The following ZNF799 variants were observed in gnomAD, a reference collection of about 807,000 sequenced individuals.
The protein encoded by ZNF799 is zinc finger protein 799.
Under a neutral mutation model 41.0 loss-of-function variants are expected in ZNF799, and 28 were observed. That is an observed-to-expected ratio of 0.68 (90% CI 0.51 to 0.94). The LOEUF (loss-of-function observed/expected upper bound fraction) is 0.94. Among genes scored for constraint, ZNF799 ranks in the 40% least tolerant of loss-of-function variants. The pLI, the probability that ZNF799 is intolerant of heterozygous loss-of-function variation, is 0.00. For synonymous variants in ZNF799, 213 were observed against 252.9 expected (o/e 0.84, Z 1.50); for missense variants, 716 against 764.3 (o/e 0.94, Z 0.74).
At chr19:12,409,318 T>C in the ZNF799 span, among the ~76,000 whole-genome samples, 1 of 152,162 alleles carries the variant, frequency 6.6e-6, no homozygotes, top group Non-Finnish European at 1.5e-5. Flanking sequence ...CTGCCGCTCA[T>C]CTCCTGCTGT....
chr19:12,413,606 C>T, the ZNF799 span, among the ~76,000 whole-genome samples: 4 of 152,226 alleles, frequency 2.6e-5, no homozygotes, highest in African/African-American at 9.7e-5. Flanking sequence ...AATAAACACA[C>T]ACATGCGTAC....
At position 12,401,211 on chromosome 19, in the gene ZNF799, T is replaced by C; in HGVS notation, c.-141A>G. The C allele has an allele frequency of 2.0e-6, 3 of 1,524,920 alleles. No individual in the cohort carries two copies. The highest frequency in any genetic ancestry group is 2.6e-6 in the Non-Finnish European group (3 of 1,136,388). The allele number at this position is 1,524,920 out of a possible 1,614,324, so 94.5% of individuals were successfully genotyped here. On this transcript the variant is annotated 5_prime_UTR_variant, in exon 1 of 4. Coordinates refer to ENST00000430385, the MANE Select transcript of ZNF799 (RefSeq NM_001080821.3). ...GCACCGAGCGCCCAGCGCAGGTGGG[T>C]GGAGAAGACGCCGCGGGCTTTTTCA...
the ZNF799 span, among the ~76,000 whole-genome samples, chr19:12,410,850 C>A: frequency 6.6e-6 from 1 of 152,118 alleles, no homozygotes. Flanking sequence ...CCCTGAAAGA[C>A]AAAATCTACC....
At position 12,390,458 on chromosome 19, in the gene ZNF799, A is replaced by G; in HGVS notation, c.*8T>C. The G allele has an allele frequency of 1.2e-6, 2 of 1,612,294 alleles. No individual in the cohort carries two copies. The highest frequency in any genetic ancestry group is 1.7e-6 in the Non-Finnish European group (2 of 1,179,408). On this transcript the variant is annotated 3_prime_UTR_variant, in exon 4 of 4. Coordinates refer to ENST00000430385, the MANE Select transcript of ZNF799 (RefSeq NM_001080821.3). ...GCTTTCCCACATTCCATACATTTAG[A>G]GAGAATGCTAGTGAGTCTTTTTATG...
chr19:12,391,020 A>G lies in ZNF799; in HGVS notation c.1378T>C (p.Phe460Leu). 1 of 1,614,124 alleles carries G rather than the reference A, an allele frequency of 6.2e-7. No individual in the cohort carries two copies. Among genetic ancestry groups the G allele is most frequent in the Non-Finnish European group, 8.5e-7 (1 of 1,179,992 alleles). The change falls in exon 4 of 4, where the codon TTC (phenylalanine) becomes CTC (leucine). Residue 460 changes from phenylalanine (F) to leucine (L), a missense_variant. Phe to Leu is a conservative substitution (Grantham distance 22, BLOSUM62 0). This residue lies in a region of ZNF799 where 698 missense variants were observed against 713.6 expected (regional missense o/e 0.98). Coordinates refer to ENST00000430385, the MANE Select transcript of ZNF799 (RefSeq NM_001080821.3). ...KCKCGKAFID[F>L]YSFQNHKTTH... ...GTTTTGTGATTTTGAAAGGAATAGA[A>G]ATCAATAAAGGCTTTCCCACATTTG... is the stretch of plus-strand genomic sequence containing the variant.
At chr19:12,407,403 C>T in the ZNF799 span, among the ~76,000 whole-genome samples, 1 of 150,420 alleles carries the variant, frequency 6.6e-6, no homozygotes. Flanking sequence ...ATGGAGGCTG[C>T]AGTTAGCTAT....
chr19:12,400,945 G>A, intron 1 of ZNF799, 123 bp downstream of exon 1: 2 of 1,582,660 alleles, frequency 1.3e-6, no homozygotes, highest in East Asian at 2.2e-5. Context: ...ACCTACGCCA[G>A]GGGAACCCGG....
intron 1 of ZNF799, chr19:12,400,299 C>T (rs1969956554): frequency 1.3e-5 from 2 of 152,274 alleles, no homozygotes; most frequent in African/African-American, 4.8e-5. Context: ...CCTGGTGACT[C>T]GTCGTCACCG....
At chr19:12,406,057 C>T (rs1486987884), upstream of ZNF799, among the ~76,000 whole-genome samples, 1 of 150,316 alleles carries the variant, frequency 6.7e-6, no homozygotes, top group Non-Finnish European at 1.5e-5. Flanking sequence ...CCTGTATACC[C>T]AGCTACTCGG....
chr19:12,397,766 T>G lies in ZNF799; in HGVS notation c.3+3302A>C, dbSNP rs536885387. ...GAATCCAGGTATATCAATAACCACT[T>G]TAAATGTGTATTATATGAATATACC... On this transcript the variant is annotated intron_variant, in intron 1 of 3. Coordinates refer to ENST00000430385, the MANE Select transcript of ZNF799 (RefSeq NM_001080821.3). Among the ~76,000 whole-genome samples, 31 of 151,978 alleles carry G rather than the reference T, an allele frequency of 2.0e-4. 1 individual carries two copies. In the South Asian group the frequency reaches 2.3e-3, roughly 11 times the overall value.
chr19:12,396,761 A>AAG (rs1555761824), intron 1 of ZNF799, among the ~76,000 whole-genome samples: 33 of 152,114 alleles, frequency 2.2e-4, no homozygotes, highest in Middle Eastern at 3.4e-3. Flanking sequence ...CAAAAAAAAA[A>AAG]AATCAGTTAA....
chr19:12,391,605 A>C lies in ZNF799; in HGVS notation c.793T>G (p.Tyr265Asp). ...CTTTCATGTCTTAGACAAGAACTGT[A>C]ATCAGGGAAGGCTTTAGAACACTGT... Reference protein sequence around the residue: ...CKQCSKAFPDYSSCLRHERTH... With the variant: ...CKQCSKAFPDDSSCLRHERTH... The change falls in exon 4 of 4, where the codon TAC (tyrosine) becomes GAC (aspartate). Residue 265 changes from tyrosine (Y) to aspartate (D), a missense_variant. Tyr to Asp is a radical substitution (Grantham distance 160). Transcript: ENST00000430385. 3.1e-6 allele frequency: 5 copies of C among 1,614,012 alleles called. No individual in the cohort carries two copies. Among genetic ancestry groups the C allele is most frequent in the Non-Finnish European group, 3.4e-6 (4 of 1,179,968 alleles).
At chr19:12,396,878 T>C (rs201105540) in intron 1 of ZNF799, among the ~76,000 whole-genome samples, 4 of 151,762 alleles carry the variant, frequency 2.6e-5, no homozygotes, top group African/African-American at 7.3e-5. Flanking sequence ...TTAAAAGAAG[T>C]TCATCAGAGA....
the ZNF799 span, among the ~76,000 whole-genome samples, chr19:12,409,330 C>T: frequency 1.3e-5 from 2 of 152,192 alleles, no homozygotes; most frequent in Admixed American, 1.3e-4. Flanking sequence ...TCCTGCTGTG[C>T]CACCCGGTTC....
chr19:12,409,012 GC>G, the ZNF799 span, among the ~76,000 whole-genome samples: 2 of 151,860 alleles, frequency 1.3e-5, no homozygotes, highest in African/African-American at 4.8e-5. Context: ...TCCAGCCTGG[GC>G]AATAATTGTG....
At chr19:12,401,569 C>CGAGA (rs142456121), upstream of ZNF799, among the ~76,000 whole-genome samples, 115 of 78,452 alleles carry the variant, frequency 1.5e-3, 1 homozygote, top group East Asian at 6.7e-3. Context: ...TTTTTTTTTC[C>CGAGA]GAGAGAGAGA....
chr19:12,414,780 A>G, the ZNF799 span, among the ~76,000 whole-genome samples: 6 of 152,196 alleles, frequency 3.9e-5, no homozygotes, highest in African/African-American at 1.4e-4. Flanking sequence ...CACAGTTCAC[A>G]AGCAAACTCC....
chr19:12,392,694 A>C, intron 2 of ZNF799, 31 bp from the exon 3 acceptor site: 25 of 1,543,214 alleles, frequency 1.6e-5, no homozygotes, highest in Non-Finnish European at 2.2e-5. Context: ...AATCATTACA[A>C]ATTTTTACAA....
At chr19:12,407,482 AGAG>A in the ZNF799 span, among the ~76,000 whole-genome samples, 54 of 150,512 alleles carry the variant, frequency 3.6e-4, no homozygotes, top group African/African-American at 1.0e-3. Flanking sequence ...AGAGAGAGAG[AGAG>A]AAAAAAAAAG....
Sources: allele counts gnomAD v4.1 joint callset (sites outside exome capture counted in the v4.1 genomes callset), GRCh38; gene constraint gnomAD v4.1.1; regional missense constraint gnomAD v4.1.1; transcripts MANE v1.5; gene names NCBI Gene and HGNC (gene_info 2026-07-23, HGNC 2026-07-21).